Variants in HABP4 observed in about 807,000 individuals in gnomAD.
The protein encoded by HABP4 is intracellular hyaluronan-binding protein 4.
Under a neutral mutation model 44.1 loss-of-function variants are expected in HABP4, and 32 were observed. That is an observed-to-expected ratio of 0.73 (90% CI 0.55 to 0.97). HABP4 has a LOEUF of 0.97. Among genes scored for constraint, HABP4 ranks in the 50% least tolerant of loss-of-function variants. The probability of loss-of-function intolerance (pLI) is 0.00; values close to 1 mark genes in which losing one functional copy is unlikely to be tolerated. For synonymous variants in HABP4, 216 were observed against 218.0 expected (o/e 0.99, Z 0.08); for missense variants, 503 against 561.9 (o/e 0.90, Z 1.06).
At chr9:96,477,068 G>A (rs1832795823) in intron 5 of HABP4, among the ~76,000 whole-genome samples, 1 of 152,034 alleles carries the variant, frequency 6.6e-6, no homozygotes, top group African/African-American at 2.4e-5. Flanking sequence ...CTAGTTCTTT[G>A]TTTAGATATG....
At position 96,488,036 on chromosome 9, in the gene HABP4, G is replaced by T; in HGVS notation, c.1000-53G>T. 7.9e-7 allele frequency: 1 copy of T among 1,260,994 alleles called. No homozygotes were observed. Among genetic ancestry groups the T allele is most frequent in the Non-Finnish European group, 1.2e-6 (1 of 866,344 alleles). 78.1% of individuals were successfully genotyped at this position (1,260,994 alleles called of 1,614,324 possible). A position where few individuals can be genotyped will look rare whatever the true frequency, so the allele number is the denominator to read the frequency against. On this transcript the variant is annotated intron_variant, in intron 6 of 7. Transcript: ENST00000375249. This position sits in a 1 kb window ranked among gnomAD's most constrained non-coding sequence, Gnocchi z 4.6. ...ACACTGCAGCCACTAAGCCAGATGA[G>T]TGTGGGGATGGCTGTGGACTTGTGC...
Position 96,473,290 on chromosome 9 carries a change from T to G in HABP4, c.827+2196T>G, listed in dbSNP as rs570942167. On this transcript the variant is annotated intron_variant, in intron 5 of 7. Transcript: ENST00000375249. ...GACTGAGCTGACTCCTCCCCACACCTCTGGTCCTCACTCAGTGTTTCCATC... is the reference window on the plus strand; with the variant it reads ...GACTGAGCTGACTCCTCCCCACACCGCTGGTCCTCACTCAGTGTTTCCATC... Among the ~76,000 whole-genome samples, 140 of 152,282 alleles carry G rather than the reference T, an allele frequency of 9.2e-4. 1 individual carries two copies. The Middle Eastern group carries it at 0.01, about 11-fold the overall frequency.
rs1415701468 is a variant in HABP4, at chr9:96,450,173, C to T, written c.-107C>T. 8.8e-7 allele frequency: 1 copy of T among 1,134,042 alleles called. No individual in the cohort carries two copies. The allele number at this position is 1,134,042 out of a possible 1,614,324, so 70.2% of individuals were successfully genotyped here. Reference sequence around the variant, plus strand: ...CCGGTAGGGGCCGGACAGGGTAGGGCCCGGAGGGCGGTGGCGGCGGAGCGG... The same window carrying T: ...CCGGTAGGGGCCGGACAGGGTAGGGTCCGGAGGGCGGTGGCGGCGGAGCGG... On this transcript the variant is annotated 5_prime_UTR_variant, in exon 1 of 8. Coordinates refer to ENST00000375249, the MANE Select transcript of HABP4 (RefSeq NM_014282.4). This position sits in a 1 kb window ranked among gnomAD's most constrained non-coding sequence, Gnocchi z 4.8.
chr9:96,451,102 C>T (rs1191040377), intron 1 of HABP4, among the ~76,000 whole-genome samples: 1 of 152,112 alleles, frequency 6.6e-6, no homozygotes, highest in Non-Finnish European at 1.5e-5. Context: ...CCTGGGCGAC[C>T]GCGGGGCGGC....
At chr9:96,464,997 G>T (rs1406051286) in intron 2 of HABP4, among the ~76,000 whole-genome samples, 1 of 152,030 alleles carries the variant, frequency 6.6e-6, no homozygotes, top group African/African-American at 2.4e-5. Flanking sequence ...AGAGAGAAAG[G>T]AATGCCCCAT....
chr9:96,488,036 G>C lies in HABP4; in HGVS notation c.1000-53G>C. 2.4e-6 allele frequency: 3 copies of C among 1,260,994 alleles called. No individual in the cohort carries two copies. The highest frequency in any genetic ancestry group is 3.5e-6 in the Non-Finnish European group (3 of 866,344). The allele number at this position is 1,260,994 out of a possible 1,614,324, so 78.1% of individuals were successfully genotyped here. On this transcript the variant is annotated intron_variant, in intron 6 of 7. Transcript: ENST00000375249. The surrounding 1 kb of genome is among the most constrained non-coding windows in gnomAD (Gnocchi z 4.6). ...ACACTGCAGCCACTAAGCCAGATGA[G>C]TGTGGGGATGGCTGTGGACTTGTGC...
At chr9:96,472,553 G>A (rs190002484) in intron 5 of HABP4, among the ~76,000 whole-genome samples, 14 of 152,050 alleles carry the variant, frequency 9.2e-5, no homozygotes, top group Admixed American at 2.6e-4. Context: ...GCTAACCATC[G>A]GGCTGCCATC....
At chr9:96,473,304 A>G (rs1832726749) in intron 5 of HABP4, among the ~76,000 whole-genome samples, 1 of 152,078 alleles carries the variant, frequency 6.6e-6, no homozygotes. Context: ...GTCCTCACTC[A>G]GTGTTTCCAT....
Position 96,485,350 on chromosome 9 carries a change from C to T in HABP4, c.999+717C>T, listed in dbSNP as rs536182088. On this transcript the variant is annotated intron_variant, in intron 6 of 7. Transcript: ENST00000375249. ...ACAGGCGTGAGCCACTGCACCTGGC[C>T]GAGTAGTTGATGACTTTTTAAACTG... Among the ~76,000 whole-genome samples the T allele has an allele frequency of 7.9e-4, 120 of 152,296 alleles. 1 individual carries two copies. Among genetic ancestry groups the T allele is most frequent in the South Asian group, 4.3e-3 (21 of 4,828 alleles).
rs1200169083 is a variant in HABP4, at chr9:96,488,378, C to G, written c.1185+104C>G. 2 of 701,336 alleles carry G rather than the reference C, an allele frequency of 2.9e-6. No homozygotes were observed. The highest frequency in any genetic ancestry group is 2.8e-5 in the Admixed American group (1 of 36,124). The allele number at this position is 701,336 out of a possible 1,614,324, so 43.4% of individuals were successfully genotyped here. ...GGGTCATGAGTTTCTGCAGTCACTT[C>G]TTTCTGTAGCTAGTGTGGGACTGAT... On this transcript the variant is annotated intron_variant, in intron 7 of 7. Coordinates refer to ENST00000375249, the MANE Select transcript of HABP4 (RefSeq NM_014282.4). This position sits in a 1 kb window ranked among gnomAD's most constrained non-coding sequence, Gnocchi z 4.6.
At chr9:96,470,929 C>T (rs1480606636) in intron 4 of HABP4, 82 bp from the exon 5 acceptor site, 2 of 699,880 alleles carry the variant, frequency 2.9e-6, no homozygotes, top group Non-Finnish European at 4.8e-6. Context: ...ACCAAAAAAA[C>T]AATGTTTTCT....
chr9:96,467,322 C>G (rs1832617912), intron 4 of HABP4, among the ~76,000 whole-genome samples: 1 of 145,076 alleles, frequency 6.9e-6, no homozygotes. Context: ...AGATTTACTA[C>G]CATTGCTCAT....
At chr9:96,465,530 T>A (rs972617532) in intron 3 of HABP4, 32 bp downstream of exon 3, 2 of 1,459,040 alleles carry the variant, frequency 1.4e-6, no homozygotes, top group Non-Finnish European at 1.9e-6. Context: ...ATTTTCACTT[T>A]AAGATGGTGT....
At chr9:96,475,977 C>G (rs1409604326) in intron 5 of HABP4, among the ~76,000 whole-genome samples, 4 of 152,180 alleles carry the variant, frequency 2.6e-5, no homozygotes, top group African/African-American at 7.2e-5. Flanking sequence ...TTCTTTGATT[C>G]ACTGCACTCT....
rs1397583172 is a variant in HABP4, at chr9:96,450,489, C to A, written c.210C>A (p.Arg70=). ...CGGCGGCGGCCGGGGCCGGTCCCCG[C>A]GGCGGCAGGAGCCCAGCCGGGGCCT... ...EAAAAAGAGP[R]GGRSPAGASG... Residue 70 remains arginine, a synonymous_variant, in exon 1 of 8, where the codon CGC becomes CGA. Transcript: ENST00000375249. The surrounding 1 kb of genome is among the most constrained non-coding windows in gnomAD (Gnocchi z 4.8). The A allele has an allele frequency of 2.5e-6, 3 of 1,213,090 alleles. No individual in the cohort carries two copies. The highest frequency in any genetic ancestry group is 3.1e-6 in the Non-Finnish European group (3 of 975,150). The allele number at this position is 1,213,090 out of a possible 1,614,324, so 75.1% of individuals were successfully genotyped here. A position where few individuals can be genotyped will look rare whatever the true frequency, so the allele number is the denominator to read the frequency against.
At chr9:96,454,529 C>T (rs1366529940) in intron 1 of HABP4, among the ~76,000 whole-genome samples, 1 of 150,624 alleles carries the variant, frequency 6.6e-6, no homozygotes, top group East Asian at 2.0e-4. Context: ...TGGCTCACTG[C>T]AAGCTCCACC....
intron 3 of HABP4, 96 bp downstream of exon 3, chr9:96,465,594 T>C (rs548735555): frequency 2.6e-6 from 3 of 1,138,666 alleles, no homozygotes; most frequent in Admixed American, 1.7e-5. Flanking sequence ...TTTATAGTAC[T>C]GTGCTGTTAT....
At chr9:96,484,304 T>C (rs963400566) in intron 5 of HABP4, 158 bp from the exon 6 acceptor site, 2 of 540,586 alleles carry the variant, frequency 3.7e-6, no homozygotes, top group Non-Finnish European at 6.5e-6. Context: ...GAAAATGAAA[T>C]ATGGAAGCTT....
chr9:96,464,966 G>C (rs1832573919), intron 2 of HABP4, among the ~76,000 whole-genome samples: 1 of 152,046 alleles, frequency 6.6e-6, no homozygotes, highest in African/African-American at 2.4e-5. Flanking sequence ...CTCATTTTTT[G>C]AGTAAGGAAA....
Sources: allele counts gnomAD v4.1 joint callset (sites outside exome capture counted in the v4.1 genomes callset), GRCh38; gene constraint gnomAD v4.1.1; non-coding constraint Gnocchi (gnomAD v3.1); transcripts MANE v1.5; gene names NCBI Gene and HGNC (gene_info 2026-07-23, HGNC 2026-07-21).